NEXMIF: variants seen among roughly 807,000 people sequenced by gnomAD.
NEXMIF encodes the protein XLMR protein related to neurite extension.
Under a neutral mutation model 62.1 loss-of-function variants are expected in NEXMIF, and 8 were observed. That is an observed-to-expected ratio of 0.13 (90% CI 0.08 to 0.23). The LOEUF is 0.23. Among genes scored for constraint, NEXMIF ranks in the 10% least tolerant of loss-of-function variants. The pLI is 1.00. For synonymous variants in NEXMIF, 404 were observed against 416.6 expected, an observed-to-expected ratio of 0.97 and a Z score of 0.37; for missense variants, 976 against 1,113.3, an observed-to-expected ratio of 0.88 and a Z score of 1.75.
intron 1 of NEXMIF, among the ~76,000 whole-genome samples, chrX:74,830,546 G>A (rs928273995): frequency 9.0e-6 from 1 of 111,222 alleles, no homozygotes; most frequent in African/African-American, 3.3e-5. Flanking sequence ...AGACTTTTGT[G>A]GTTCCAAATA....
Position 74,743,163 on chromosome X carries a change from C to A in NEXMIF, c.1394G>T (p.Arg465Leu). 8.3e-7 allele frequency: 1 copy of A among 1,210,814 alleles called. No homozygotes were observed. The highest frequency in any genetic ancestry group is 1.1e-6 in the Non-Finnish European group (1 of 895,247). The change falls in exon 3 of 4, where the codon CGG becomes CTG. Residue 465 changes from arginine to leucine, a missense_variant. Transcript: ENST00000055682. ...EIKDCSRYMA[R>L]DTNSGSSSSQ... ...GGAGGAGCTGCCAGAATTAGTGTCC[C>A]GAGCCATATAGCGACTACAGTCCTT...
intron 1 of NEXMIF, among the ~76,000 whole-genome samples, chrX:74,884,714 A>G (rs2080683312): frequency 9.0e-6 from 1 of 111,626 alleles, no homozygotes; most frequent in African/African-American, 3.3e-5. Context: ...TTAACACCCC[A>G]CTGTCAACAT....
intron 3 of NEXMIF, 44 bp downstream of exon 3, chrX:74,740,056 A>G: frequency 8.8e-7 from 1 of 1,135,512 alleles, no homozygotes; most frequent in African/African-American, 1.8e-5. Context: ...AGGTAGTAGG[A>G]GAGCTAAGGG....
At chrX:74,825,176 G>A (rs766871458) in intron 1 of NEXMIF, among the ~76,000 whole-genome samples, 2 of 111,243 alleles carry the variant, frequency 1.8e-5, no homozygotes, top group Non-Finnish European at 3.8e-5. Flanking sequence ...TATCTTTTCT[G>A]TTGGCCATTT....
chrX:74,869,884 C>A (rs981780837), intron 1 of NEXMIF, among the ~76,000 whole-genome samples: 2 of 110,821 alleles, frequency 1.8e-5, no homozygotes, highest in Admixed American at 9.7e-5. Context: ...GTTAAAATGT[C>A]TATACTACCC....
At chrX:74,899,193 T>A (rs1414331199) in intron 1 of NEXMIF, among the ~76,000 whole-genome samples, 1 of 111,637 alleles carries the variant, frequency 9.0e-6, no homozygotes. Flanking sequence ...TCTCACTACT[T>A]CTTTTCAACA....
intron 1 of NEXMIF, among the ~76,000 whole-genome samples, chrX:74,878,585 A>G (rs951500095): frequency 1.8e-5 from 2 of 112,489 alleles, no homozygotes; most frequent in African/African-American, 6.4e-5. Flanking sequence ...CCCCTCCCCC[A>G]GCCTCGCTGC....
intron 1 of NEXMIF, among the ~76,000 whole-genome samples, chrX:74,843,017 T>C (rs1465699576): frequency 8.9e-6 from 1 of 111,907 alleles, no homozygotes; most frequent in Non-Finnish European, 1.9e-5. Context: ...GTTTAGGTCC[T>C]GAATACCTTT....
intron 1 of NEXMIF, among the ~76,000 whole-genome samples, chrX:74,912,247 T>C (rs751921746): frequency 3.2e-4 from 36 of 111,379 alleles, no homozygotes; most frequent in Non-Finnish European, 6.4e-4. Flanking sequence ...GATTAGAACA[T>C]TAAGGCCACC....
chrX:74,832,802 T>C (rs1184412570), intron 1 of NEXMIF, among the ~76,000 whole-genome samples: 3 of 111,667 alleles, frequency 2.7e-5, no homozygotes, highest in Non-Finnish European at 3.8e-5. Context: ...CCACATGTTT[T>C]TGTATGCTGT....
At chrX:74,831,696 T>C (rs1042754135) in intron 1 of NEXMIF, among the ~76,000 whole-genome samples, 1 of 111,733 alleles carries the variant, frequency 8.9e-6, no homozygotes, top group Non-Finnish European at 1.9e-5. Context: ...TATAATCCTT[T>C]GGGTGAAGGA....
At chrX:74,766,431 C>A (rs1014783385) in intron 1 of NEXMIF, among the ~76,000 whole-genome samples, 1 of 111,868 alleles carries the variant, frequency 8.9e-6, no homozygotes, top group Admixed American at 9.5e-5. Flanking sequence ...TTTGTTTGTT[C>A]CTTTTTATTC....
intron 1 of NEXMIF, among the ~76,000 whole-genome samples, chrX:74,864,543 T>A (rs1360055317): frequency 9.0e-6 from 1 of 111,496 alleles, no homozygotes; most frequent in Non-Finnish European, 1.9e-5. Flanking sequence ...GATCTGATGG[T>A]TTTATAAAGG....
chrX:74,740,412 T>C lies in NEXMIF; in HGVS notation c.4145A>G (p.Asn1382Ser), dbSNP rs1556016213. Residue 1382 changes from asparagine to serine, a missense_variant, in exon 3 of 4, where the codon AAC becomes AGC. Asn to Ser is a conservative substitution (Grantham distance 46, BLOSUM62 1). Transcript: ENST00000055682. ...CTTAGTGGCTCCTTGGGACCCACTG[T>C]TGATCTTTTTCTTAGACTCCTGTGG... is the stretch of plus-strand genomic sequence containing the variant. ...GTPQESKKKI[N>S]SGSQGATKNH... The C allele has an allele frequency of 2.5e-6, 3 of 1,209,333 alleles. No individual in the cohort carries two copies. Among genetic ancestry groups the C allele is most frequent in the African/African-American group, 3.5e-5 (2 of 57,016 alleles).
At chrX:74,831,823 A>G (rs1412792091) in intron 1 of NEXMIF, among the ~76,000 whole-genome samples, 2 of 111,851 alleles carry the variant, frequency 1.8e-5, no homozygotes, top group Non-Finnish European at 3.8e-5. Context: ...TTTTATCATG[A>G]AGGAATTTCA....
chrX:74,881,392 G>GCACACACACACACACACACACACA (rs367805528), intron 1 of NEXMIF, among the ~76,000 whole-genome samples: 1 of 88,576 alleles, frequency 1.1e-5, no homozygotes, highest in Admixed American at 1.3e-4. Context: ...ACATACACAT[G>GCACACACACACACACACACACACA]CACACACACA....
chrX:74,912,180 G>A (rs188952541), intron 1 of NEXMIF, among the ~76,000 whole-genome samples: 4 of 111,699 alleles, frequency 3.6e-5, no homozygotes, highest in East Asian at 2.8e-4. Context: ...GCTCAGTGAA[G>A]GACAGAGTTC....
chrX:74,780,566 G>A (rs1193367442), intron 1 of NEXMIF, among the ~76,000 whole-genome samples: 1 of 107,778 alleles, frequency 9.3e-6, no homozygotes, highest in African/African-American at 3.4e-5. Context: ...CTCTAGAGAT[G>A]GGGTTTCGCT....
At chrX:74,760,347 T>C (rs1344951765) in intron 1 of NEXMIF, among the ~76,000 whole-genome samples, 1 of 111,942 alleles carries the variant, frequency 8.9e-6, no homozygotes, top group African/African-American at 3.2e-5. Context: ...TAGGGATAGT[T>C]TGACTTCCTC....
Sources: allele counts gnomAD v4.1 joint callset (sites outside exome capture counted in the v4.1 genomes callset), GRCh38; gene constraint gnomAD v4.1.1; transcripts MANE v1.5; gene names NCBI Gene and HGNC (gene_info 2026-07-23, HGNC 2026-07-21).